FAM131C: variants seen among roughly 807,000 people sequenced by gnomAD.
FAM131C encodes protein FAM131C.
FAM131C carries 14 observed loss-of-function variants against 29.8 expected under a neutral mutation model. That is an observed-to-expected ratio of 0.47 (90% CI 0.31 to 0.73). The LOEUF (loss-of-function observed/expected upper bound fraction) is 0.73, where lower values mean the gene tolerates loss of function less well. FAM131C is among the 30% of genes least tolerant of loss of function. FAM131C has a pLI of 0.05. For missense variants in FAM131C, 252 were observed against 383.8 expected (o/e 0.66, Z 2.87); for synonymous variants, 86 against 157.8 (o/e 0.54, Z 3.41).
At chr1:16,059,414 C>T in intron 6 of FAM131C, 80 bp downstream of exon 6, 2 of 1,550,970 alleles carry the variant, frequency 1.3e-6, no homozygotes. Context: ...GCCGAGGTCA[C>T]ACTGCCTTTG....
chr1:16,065,407 C>T (rs563705085), intron 1 of FAM131C, among the ~76,000 whole-genome samples: 42 of 152,364 alleles, frequency 2.8e-4, no homozygotes, highest in African/African-American at 5.3e-4. Flanking sequence ...ATGGTCCCTG[C>T]GCTCACTCTC....
At chr1:16,060,391 A>G (rs1257984392) in intron 4 of FAM131C, among the ~76,000 whole-genome samples, 1 of 132,108 alleles carries the variant, frequency 7.6e-6, no homozygotes, top group Admixed American at 7.8e-5. Flanking sequence ...CACACCCCTC[A>G]CTCCCTTTCT....
intron 1 of FAM131C, among the ~76,000 whole-genome samples, chr1:16,072,026 C>A (rs142067751): frequency 1.1e-4 from 16 of 152,292 alleles, no homozygotes; most frequent in African/African-American, 3.6e-4. Context: ...GCCTGGTGCT[C>A]CTAAAGAACC....
chr1:16,062,185 A>T lies in FAM131C; in HGVS notation c.182T>A (p.Phe61Tyr). The part of the protein sequence containing the change: ...DFCWDPWQRC[F>Y]QTTNGYLSDS... ...GGACAGGTAGCCGTTGGTGGTCTGG[A>T]AGCACCTCTGGAGGAAGTGGCAGGA... Residue 61 changes from phenylalanine (F) to tyrosine (Y), a missense_variant, in exon 4 of 7, where the codon TTC (phenylalanine) becomes TAC (tyrosine). Phe to Tyr is a conservative substitution (Grantham distance 22, BLOSUM62 3). Around this residue, in one of 6 missense-constraint regions of FAM131C, gnomAD observed 52 missense variants for 105.9 expected, o/e 0.49. Coordinates refer to ENST00000375662, the MANE Select transcript of FAM131C (RefSeq NM_182623.3). The T allele has an allele frequency of 6.2e-7, 1 of 1,611,202 alleles. No homozygotes were observed. Among genetic ancestry groups the T allele is most frequent in the Non-Finnish European group, 8.5e-7 (1 of 1,179,346 alleles).
At chr1:16,070,727 C>T (rs1400049959) in intron 1 of FAM131C, among the ~76,000 whole-genome samples, 1 of 152,178 alleles carries the variant, frequency 6.6e-6, no homozygotes, top group Non-Finnish European at 1.5e-5. Context: ...GAATGCCTTA[C>T]ATGAATTAAG....
intron 2 of FAM131C, 84 bp from the exon 3 acceptor site, chr1:16,062,618 G>T: frequency 6.6e-7 from 1 of 1,513,508 alleles, no homozygotes; most frequent in Non-Finnish European, 8.9e-7. Flanking sequence ...CCTGGGTGGG[G>T]GTGGGGGTCA....
chr1:16,069,666 C>T lies in FAM131C; in HGVS notation c.22+3755G>A, dbSNP rs2023727847. ...AGAGAAGGGGGGCAAATATTCCTCT[C>T]TGTTCCATACAGACTGCCATTGGTT... is the stretch of plus-strand genomic sequence containing the variant. On this transcript the variant is annotated intron_variant, in intron 1 of 6. Coordinates refer to ENST00000375662, the MANE Select transcript of FAM131C (RefSeq NM_182623.3). 2.0e-5 allele frequency among the ~76,000 whole-genome samples: 3 copies of T among 152,342 alleles called. 1 individual carries two copies. The highest frequency in any genetic ancestry group is 2.0e-4 in the Admixed American group (3 of 15,310).
chr1:16,070,074 C>T (rs895397867), intron 1 of FAM131C, among the ~76,000 whole-genome samples: 3 of 152,102 alleles, frequency 2.0e-5, no homozygotes, highest in Non-Finnish European at 2.9e-5. Flanking sequence ...TCTATAGGGA[C>T]GTAAGAAAGC....
chr1:16,058,467 G>C lies in FAM131C; in HGVS notation c.813C>G (p.Leu271=). ...TATAGAACACCTCGTCCTCCTCCCAGAGGGAGCCGCTGTCCATGGAGGGGA... is the reference window on the plus strand; with the variant it reads ...TATAGAACACCTCGTCCTCCTCCCACAGGGAGCCGCTGTCCATGGAGGGGA... ...GSLPSMDSGS[L]WEEDEVFYN is the part of the protein sequence containing the mutation. The change falls in exon 7 of 7, where the codon CTC becomes CTG. Residue 271 remains leucine, a synonymous_variant. Coordinates refer to ENST00000375662, the MANE Select transcript of FAM131C (RefSeq NM_182623.3). 2 of 1,482,890 alleles carry C rather than the reference G, an allele frequency of 1.3e-6. No individual in the cohort carries two copies. Among genetic ancestry groups the C allele is most frequent in the Non-Finnish European group, 1.8e-6 (2 of 1,119,944 alleles). 91.9% of individuals were successfully genotyped at this position (1,482,890 alleles called of 1,614,324 possible).
chr1:16,064,101 C>G (rs920730962), intron 1 of FAM131C, among the ~76,000 whole-genome samples: 1 of 152,060 alleles, frequency 6.6e-6, no homozygotes, highest in South Asian at 2.1e-4. Flanking sequence ...AGAAAGTGAC[C>G]GCTGCATGCG....
intron 1 of FAM131C, among the ~76,000 whole-genome samples, chr1:16,070,552 G>A (rs1466962324): frequency 6.6e-6 from 1 of 152,170 alleles, no homozygotes; most frequent in East Asian, 1.9e-4. Flanking sequence ...AGCACTTTGG[G>A]AGGCCGAGGT....
At chr1:16,058,765 C>T (rs2124121759) in intron 6 of FAM131C, 48 bp from the exon 7 acceptor site, 1 of 1,422,824 alleles carries the variant, frequency 7.0e-7, no homozygotes, top group Non-Finnish European at 9.4e-7. Context: ...AGATCCAGCT[C>T]CTCGCCCTCT....
intron 2 of FAM131C, 42 bp from the exon 3 acceptor site, chr1:16,062,576 G>T (rs780718991): frequency 2.6e-6 from 4 of 1,552,474 alleles, no homozygotes; most frequent in East Asian, 2.4e-5. Flanking sequence ...GGCCTGGCAC[G>T]CTGTGCCAGC....
chr1:16,058,751 TCCCAGATCCAG>T (rs2023536062), intron 6 of FAM131C, 34 bp from the exon 7 acceptor site: 1 of 1,478,398 alleles, frequency 6.8e-7, no homozygotes, highest in African/African-American at 1.4e-5. Flanking sequence ...GGGAATGGCG[TCCCAGATCCAG>T]CTCCTCGCCC....
Position 16,063,611 on chromosome 1 carries a change from G to T in FAM131C, c.48C>A (p.Asn16Lys). ...GGTCCGCACCCTGGGGCATGGGGCA[G>T]TTCTTGTGGGCACTTGTGAACAGGT... The part of the protein sequence containing the change: ...SRDLFTSAHK[N>K]CPMPQGADPL... Residue 16 changes from asparagine to lysine, a missense_variant, in exon 2 of 7, where the codon AAC becomes AAA. Asn to Lys is a moderately conservative substitution (Grantham distance 94). Transcript: ENST00000375662. The T allele has an allele frequency of 2.5e-6, 4 of 1,612,598 alleles. No homozygotes were observed. The highest frequency in any genetic ancestry group is 3.4e-6 in the Non-Finnish European group (4 of 1,179,248).
In FAM131C at chr1:16,073,466, C is replaced by T. The variant is rs2023779929; in HGVS notation, c.-24G>A. Reference sequence around the variant, plus strand: ...ATCACGGGGCCGCGGGGCCGGGCCGCTGCGCCCGGGGTGCGTGGGGCCGCG... The same window carrying T: ...ATCACGGGGCCGCGGGGCCGGGCCGTTGCGCCCGGGGTGCGTGGGGCCGCG... On this transcript the variant is annotated 5_prime_UTR_variant, in exon 1 of 7. Transcript: ENST00000375662. The T allele has an allele frequency of 8.3e-7, 1 of 1,199,886 alleles. No homozygotes were observed. Among genetic ancestry groups the T allele is most frequent in the South Asian group, 4.2e-5 (1 of 24,052 alleles). 74.3% of individuals were successfully genotyped at this position (1,199,886 alleles called of 1,614,324 possible).
chr1:16,065,423 G>T lies in FAM131C; in HGVS notation c.23-1787C>A, dbSNP rs577285749. On this transcript the variant is annotated intron_variant, in intron 1 of 6. Transcript: ENST00000375662. ...TGGTCCCTGCGCTCACTCTCTGCCCGCCAGCGGAGGGACTTAATGCTCTAG... is the reference window on the plus strand; with the variant it reads ...TGGTCCCTGCGCTCACTCTCTGCCCTCCAGCGGAGGGACTTAATGCTCTAG... 1.9e-4 allele frequency among the ~76,000 whole-genome samples: 29 copies of T among 152,320 alleles called. No individual in the cohort carries two copies. The East Asian group carries it at 5.2e-3, about 27-fold the overall frequency.
chr1:16,064,280 T>C (rs2023645411), intron 1 of FAM131C, among the ~76,000 whole-genome samples: 1 of 151,892 alleles, frequency 6.6e-6, no homozygotes, highest in Non-Finnish European at 1.5e-5. Context: ...CTTCTGCCCC[T>C]CCCTCACTGG....
chr1:16,062,003 C>G lies in FAM131C; in HGVS notation c.268+96G>C. ...TGGAGAATCCAATAGGGCTGCCATC[C>G]TCCCACCTGCAACTCAGCCATGCCC... On this transcript the variant is annotated intron_variant, in intron 4 of 6. Coordinates refer to ENST00000375662, the MANE Select transcript of FAM131C (RefSeq NM_182623.3). 4 of 1,142,964 alleles carry G rather than the reference C, an allele frequency of 3.5e-6. No homozygotes were observed. The East Asian group carries it at 1.0e-4, about 30-fold the overall frequency. The allele number at this position is 1,142,964 out of a possible 1,614,324, so 70.8% of individuals were successfully genotyped here. A position where few individuals can be genotyped will look rare whatever the true frequency, so the allele number is the denominator to read the frequency against.
Sources: allele counts gnomAD v4.1 joint callset (sites outside exome capture counted in the v4.1 genomes callset), GRCh38; gene constraint gnomAD v4.1.1; regional missense constraint gnomAD v4.1.1; transcripts MANE v1.5; gene names NCBI Gene and HGNC (gene_info 2026-07-23, HGNC 2026-07-21).